The following HABP4 variants were observed in gnomAD, a reference collection of about 807,000 sequenced individuals.
The protein encoded by HABP4 is hyaluronan binding protein 4, also known as intracellular hyaluronan-binding protein 4.
In HABP4, 32 loss-of-function variants were observed where a neutral mutation model predicts 44.1. The observed-to-expected ratio is 0.73, with a 90% CI of 0.55 to 0.97. The LOEUF (loss-of-function observed/expected upper bound fraction) is 0.97. HABP4 is among the 50% of genes least tolerant of loss of function. The probability of loss-of-function intolerance (pLI) is 0.00; values close to 1 mark genes in which losing one functional copy is unlikely to be tolerated. For synonymous variants in HABP4, 216 were observed against 218.0 expected, an observed-to-expected ratio of 0.99 and a Z score of 0.08; for missense variants, 503 against 561.9, an observed-to-expected ratio of 0.90 and a Z score of 1.06.
intron 5 of HABP4, among the ~76,000 whole-genome samples, chr9:96,474,945 A>T (rs1419738615): frequency 6.6e-6 from 1 of 152,190 alleles, no homozygotes; most frequent in African/African-American, 2.4e-5. Context: ...GACATATTTT[A>T]CTGATAATTA....
At chr9:96,487,572 A>G (rs563353007) in intron 6 of HABP4, among the ~76,000 whole-genome samples, 8 of 152,216 alleles carry the variant, frequency 5.3e-5, no homozygotes, top group Admixed American at 2.0e-4. Context: ...AGCACATGGT[A>G]TTATAATCAG....
In HABP4 at chr9:96,488,092, G is replaced by A; in HGVS notation, c.1003G>A (p.Val335Ile). 6.2e-7 allele frequency: 1 copy of A among 1,609,670 alleles called. No homozygotes were observed. The highest frequency in any genetic ancestry group is 8.5e-7 in the Non-Finnish European group (1 of 1,176,016). The change falls in exon 7 of 8, where the codon GTA becomes ATA. Residue 335 changes from valine (V) to isoleucine (I), a missense_variant. Around this residue, in one of 3 missense-constraint regions of HABP4, gnomAD observed 131 missense variants for 189.8 expected, o/e 0.69. Coordinates refer to ENST00000375249, the MANE Select transcript of HABP4 (RefSeq NM_014282.4). This position sits in a 1 kb window ranked among gnomAD's most constrained non-coding sequence, Gnocchi z 4.6. ...TGATGCTGTAATTGTGTTTCAGATG[G>A]TAAAAGATGACTATGAGGACGATTC... ...IHKSKYRDDM[V>I]KDDYEDDSHV...
At chr9:96,484,746 G>C in intron 6 of HABP4, 113 bp downstream of exon 6, 1 of 669,638 alleles carries the variant, frequency 1.5e-6, no homozygotes, top group South Asian at 1.8e-5. Context: ...GGCAGTCTTT[G>C]TTTCTAATCA....
intron 2 of HABP4, among the ~76,000 whole-genome samples, chr9:96,462,262 G>T (rs573944604): frequency 1.3e-5 from 2 of 151,986 alleles, no homozygotes; most frequent in Non-Finnish European, 2.9e-5. Flanking sequence ...TTCCAGCCTG[G>T]CCAACGTGGT....
chr9:96,474,981 C>T (rs755210847), intron 5 of HABP4, among the ~76,000 whole-genome samples: 13 of 152,156 alleles, frequency 8.5e-5, no homozygotes, highest in Non-Finnish European at 1.6e-4. Context: ...TCCATCCTTC[C>T]ATCTTCTCCT....
At chr9:96,463,253 G>A (rs1832537362) in intron 2 of HABP4, among the ~76,000 whole-genome samples, 1 of 150,504 alleles carries the variant, frequency 6.6e-6, no homozygotes, top group Non-Finnish European at 1.5e-5. Context: ...GCCTGCTTTA[G>A]TTTTTTTATT....
Position 96,488,402 on chromosome 9 carries a change from A to C in HABP4, c.1185+128A>C. On this transcript the variant is annotated intron_variant, in intron 7 of 7. Coordinates refer to ENST00000375249, the MANE Select transcript of HABP4 (RefSeq NM_014282.4). The surrounding 1 kb of genome is among the most constrained non-coding windows in gnomAD (Gnocchi z 4.6). ...TCTTTCTGTAGCTAGTGTGGGACTG[A>C]TGTTGGGGCATTTGGACGGTGTTGT... 1.6e-6 allele frequency: 1 copy of C among 626,608 alleles called. No individual in the cohort carries two copies. The highest frequency in any genetic ancestry group is 2.7e-6 in the Non-Finnish European group (1 of 364,538). 38.8% of individuals were successfully genotyped at this position (626,608 alleles called of 1,614,324 possible). A position where few individuals can be genotyped will look rare whatever the true frequency, so the allele number is the denominator to read the frequency against.
Position 96,450,351 on chromosome 9 carries a change from G to A in HABP4, c.72G>A (p.Val24=). 3 of 1,407,298 alleles carry A rather than the reference G, an allele frequency of 2.1e-6. No homozygotes were observed. The highest frequency in any genetic ancestry group is 2.8e-6 in the Non-Finnish European group (3 of 1,063,888). The allele number at this position is 1,407,298 out of a possible 1,614,324, so 87.2% of individuals were successfully genotyped here. A position where few individuals can be genotyped will look rare whatever the true frequency, so the allele number is the denominator to read the frequency against. The stretch of plus-strand genomic sequence containing the variant: ...TGCAGGAGAGTTTCGGCTGCGTGGT[G>A]GCCAACCGCTTCCATCAGCTGCTGG... ...AAMQESFGCV[V]ANRFHQLLDD... Residue 24 remains valine, a synonymous_variant, in exon 1 of 8, where the codon GTG becomes GTA. Coordinates refer to ENST00000375249, the MANE Select transcript of HABP4 (RefSeq NM_014282.4). This position sits in a 1 kb window ranked among gnomAD's most constrained non-coding sequence, Gnocchi z 4.8.
At chr9:96,471,133 C>A in intron 5 of HABP4, 39 bp downstream of exon 5, 1 of 1,045,578 alleles carries the variant, frequency 9.6e-7, no homozygotes, top group Non-Finnish European at 1.5e-6. Context: ...GGTGTTGGTT[C>A]TCTTCTTAAT....
chr9:96,464,709 A>G (rs977143108), intron 2 of HABP4, among the ~76,000 whole-genome samples: 4 of 152,208 alleles, frequency 2.6e-5, no homozygotes, highest in Non-Finnish European at 4.4e-5. Context: ...CATGAAGACA[A>G]AAGTTGCTAT....
intron 7 of HABP4, among the ~76,000 whole-genome samples, chr9:96,489,648 C>T (rs931810219): frequency 2.6e-5 from 4 of 152,210 alleles, no homozygotes; most frequent in Non-Finnish European, 5.9e-5. Flanking sequence ...GTGAGCTCCC[C>T]GAGGATAGGC....
At chr9:96,479,506 A>G (rs1173692249) in intron 5 of HABP4, among the ~76,000 whole-genome samples, 1 of 151,958 alleles carries the variant, frequency 6.6e-6, no homozygotes, top group Non-Finnish European at 1.5e-5. Context: ...AGTCTGAAAA[A>G]CATGATTTTT....
At chr9:96,453,049 T>G (rs1288325403) in intron 1 of HABP4, among the ~76,000 whole-genome samples, 1 of 149,362 alleles carries the variant, frequency 6.7e-6, no homozygotes, top group Non-Finnish European at 1.5e-5. Context: ...GCCTCCTTAG[T>G]AGCTGGCATT....
At chr9:96,462,731 A>G (rs1250719649) in intron 2 of HABP4, among the ~76,000 whole-genome samples, 3 of 151,698 alleles carry the variant, frequency 2.0e-5, no homozygotes, top group African/African-American at 7.3e-5. Context: ...TTTGAGACCA[A>G]CCTGGGCGAC....
intron 1 of HABP4, chr9:96,451,392 A>C (rs1162011608): frequency 1.4e-6 from 1 of 724,234 alleles, no homozygotes; most frequent in African/African-American, 1.9e-5. Context: ...AGGGTGCTTC[A>C]GAGTTCATTC....
intron 4 of HABP4, among the ~76,000 whole-genome samples, chr9:96,467,152 A>ACCT (rs1335151665): frequency 6.6e-6 from 1 of 151,866 alleles, no homozygotes; most frequent in East Asian, 1.9e-4. Flanking sequence ...CGAACTCCTG[A>ACCT]CCTCAGGTAA....
chr9:96,450,321 C>G lies in HABP4; in HGVS notation c.42C>G (p.Ala14=). The part of the protein sequence containing the change: ...ALGSPVAAAG[A]AMQESFGCVV... ...GGAGTCCCGTGGCTGCCGCTGGCGC[C>G]GCGATGCAGGAGAGTTTCGGCTGCG... Residue 14 remains alanine, a synonymous_variant, in exon 1 of 8, where the codon GCC becomes GCG. Transcript: ENST00000375249. This position sits in a 1 kb window ranked among gnomAD's most constrained non-coding sequence, Gnocchi z 4.8. The G allele has an allele frequency of 7.2e-7, 1 of 1,395,968 alleles. No individual in the cohort carries two copies. Among genetic ancestry groups the G allele is most frequent in the Non-Finnish European group, 9.5e-7 (1 of 1,055,304 alleles). The allele number at this position is 1,395,968 out of a possible 1,614,324, so 86.5% of individuals were successfully genotyped here.
At chr9:96,477,709 T>C (rs961610498) in intron 5 of HABP4, among the ~76,000 whole-genome samples, 1 of 152,232 alleles carries the variant, frequency 6.6e-6, no homozygotes, top group Non-Finnish European at 1.5e-5. Context: ...CTTTGAGATA[T>C]AATTCACATC....
chr9:96,470,825 AG>A (rs1293339020), intron 4 of HABP4, among the ~76,000 whole-genome samples, 185 bp from the exon 5 acceptor site: 2 of 148,806 alleles, frequency 1.3e-5, no homozygotes, highest in African/African-American at 4.9e-5. Context: ...TAAACCTGGG[AG>A]GGAGGTTGCA....
Sources: allele counts gnomAD v4.1 joint callset (sites outside exome capture counted in the v4.1 genomes callset), GRCh38; gene constraint gnomAD v4.1.1; regional missense constraint gnomAD v4.1.1; non-coding constraint Gnocchi (gnomAD v3.1); transcripts MANE v1.5; gene names NCBI Gene and HGNC (gene_info 2026-07-23, HGNC 2026-07-21).